Variants in PHYH observed in about 807,000 individuals in gnomAD.
PHYH encodes the protein phytanoyl-CoA 2-hydroxylase.
In PHYH, 32 loss-of-function variants were observed where a neutral mutation model predicts 38.5. That is an observed-to-expected ratio of 0.83 (90% CI 0.63 to 1.12). PHYH has a LOEUF of 1.12. Ranked by LOEUF, PHYH falls within the 50% of genes most tolerant of loss-of-function variation. PHYH has a pLI of 0.00. For missense variants in PHYH, 426 were observed against 434.8 expected, an observed-to-expected ratio of 0.98 and a Z score of 0.18; for synonymous variants, 166 against 157.9, an observed-to-expected ratio of 1.05 and a Z score of -0.38.
rs973937078 is a variant in PHYH, at chr10:13,280,995, T to G, written c.944A>C (p.Glu315Ala). The change falls in exon 8 of 9, where the codon GAA becomes GCA. Residue 315 changes from glutamate (E) to alanine (A), a missense_variant. Glu to Ala is a moderately radical substitution (Grantham distance 107, BLOSUM62 -1). Transcript: ENST00000263038. The part of the protein sequence containing the change: ...VGIAHKFFGA[E>A]NSVNLKDIWM... ...ACATACCTTCAAGTTCACGCTATTT[T>G]CAGCTCCAAAGAATTTATGTGCTAT... The G allele has an allele frequency of 1.2e-6, 2 of 1,614,148 alleles. No homozygotes were observed. The highest frequency in any genetic ancestry group is 1.7e-6 in the Non-Finnish European group (2 of 1,179,974).
rs1360667497 is a variant in PHYH at position 13,295,482 on chromosome 10, T to G, written c.245+14A>C. The G allele has an allele frequency of 8.3e-7, 1 of 1,207,136 alleles. No homozygotes were observed. The highest frequency in any genetic ancestry group is 1.2e-5 in the South Asian group (1 of 82,858). The allele number at this position is 1,207,136 out of a possible 1,614,324, so 74.8% of individuals were successfully genotyped here. A position where few individuals can be genotyped will look rare whatever the true frequency, so the allele number is the denominator to read the frequency against. On this transcript the variant is annotated intron_variant, in intron 3 of 8. Transcript: ENST00000263038. Reference sequence around the variant, plus strand: ...ATACATACTATTGTAAAATAACAAATAGTGTTACTGTACCGAAAGCGTTGA... The same window carrying G: ...ATACATACTATTGTAAAATAACAAAGAGTGTTACTGTACCGAAAGCGTTGA...
intron 2 of PHYH, among the ~76,000 whole-genome samples, chr10:13,297,275 C>T (rs774018216): frequency 2.0e-5 from 3 of 152,004 alleles, no homozygotes; most frequent in African/African-American, 7.2e-5. Context: ...GTAACAAAAT[C>T]CAAATAAATG....
At chr10:13,296,298 C>T (rs535929088) in intron 2 of PHYH, among the ~76,000 whole-genome samples, 1 of 109,244 alleles carries the variant, frequency 9.2e-6, no homozygotes, top group African/African-American at 3.0e-5. Flanking sequence ...ATTAGTGGGC[C>T]GGGCACAGTG....
At chr10:13,288,252 G>T in intron 6 of PHYH, 108 bp downstream of exon 6, 2 of 979,544 alleles carry the variant, frequency 2.0e-6, no homozygotes, top group Non-Finnish European at 1.6e-6. Context: ...ACAATGTTTT[G>T]CTCAGAAAGG....
chr10:13,296,713 G>GCA (rs1445522155), intron 2 of PHYH, among the ~76,000 whole-genome samples: 3 of 151,240 alleles, frequency 2.0e-5, no homozygotes, highest in Non-Finnish European at 4.4e-5. Context: ...TGTAATCCTA[G>GCA]CTTTGGGAGG....
chr10:13,299,997 G>A lies in PHYH; in HGVS notation c.46C>T (p.His16Tyr). 1 of 1,532,238 alleles carries A rather than the reference G, an allele frequency of 6.5e-7. No homozygotes were observed. Among genetic ancestry groups the A allele is most frequent in the Non-Finnish European group, 8.7e-7 (1 of 1,144,470 alleles). The allele number at this position is 1,532,238 out of a possible 1,614,324, so 94.9% of individuals were successfully genotyped here. ...AAARLQIVLG[H>Y]LGRPSAGAVV... ...GCCCCGGCCGAGGGGCGGCCGAGGT[G>A]GCCCAGAACAATCTGCAGACGGGCG... Residue 16 changes from histidine (H) to tyrosine (Y), a missense_variant, in exon 1 of 9, where the codon CAC (histidine) becomes TAC (tyrosine). By Grantham distance (83) the His-to-Tyr change is moderately conservative (BLOSUM62 2). Coordinates refer to ENST00000263038, the MANE Select transcript of PHYH (RefSeq NM_006214.4).
At chr10:13,289,202 T>C (rs966392127) in intron 5 of PHYH, among the ~76,000 whole-genome samples, 23 of 152,110 alleles carry the variant, frequency 1.5e-4, no homozygotes, top group African/African-American at 5.3e-4. Flanking sequence ...TTCTTTGTTG[T>C]TATTGTTTTT....
chr10:13,295,872 T>C (rs1343361510), intron 2 of PHYH, among the ~76,000 whole-genome samples: 1 of 150,574 alleles, frequency 6.6e-6, no homozygotes. Context: ...TAAAAATATG[T>C]ATCAAGAACC....
At chr10:13,296,095 G>A (rs1835842226) in intron 2 of PHYH, among the ~76,000 whole-genome samples, 1 of 151,620 alleles carries the variant, frequency 6.6e-6, no homozygotes, top group South Asian at 2.1e-4. Context: ...TTGAACTTGG[G>A]AGGCGGAGGT....
At position 13,294,552 on chromosome 10, in the gene PHYH, C is replaced by T. The variant is rs375508574; in HGVS notation, c.290G>A (p.Gly97Glu). The T allele has an allele frequency of 1.0e-4, 165 of 1,613,966 alleles. No individual in the cohort carries two copies. The highest frequency in any genetic ancestry group is 6.6e-4 in the Middle Eastern group (4 of 6,060). Residue 97 changes from glycine to glutamate, a missense_variant, in exon 4 of 9, where the codon GGA becomes GAA. Transcript: ENST00000263038. ...KICRKEVKPL[G>E]LTVMRDVTIS... is the part of the protein sequence containing the mutation. ...GGTCACATCTCTCATTACTGTTAAT[C>T]CTAATGGTTTCACCTCCTTTCTGCA...
intron 6 of PHYH, among the ~76,000 whole-genome samples, chr10:13,286,583 C>A (rs1006740539): frequency 6.6e-6 from 1 of 151,862 alleles, no homozygotes; most frequent in East Asian, 1.9e-4. Context: ...TGCCTGTAGT[C>A]CCAGCTACTC....
Position 13,278,200 on chromosome 10 carries a change from A to G in PHYH, c.*101T>C, listed in dbSNP as rs1194560147. On this transcript the variant is annotated 3_prime_UTR_variant, in exon 9 of 9. Transcript: ENST00000263038. ...TGATACATGTTTTCTGCTTTTAACAAGTGATAGAAAAGGTTACATCATCTC... is the reference window on the plus strand; with the variant it reads ...TGATACATGTTTTCTGCTTTTAACAGGTGATAGAAAAGGTTACATCATCTC... 1.4e-5 allele frequency: 11 copies of G among 809,330 alleles called. No homozygotes were observed. In the East Asian group the frequency reaches 2.8e-4, roughly 20 times the overall value. 50.1% of individuals were successfully genotyped at this position (809,330 alleles called of 1,614,324 possible).
chr10:13,288,771 G>T (rs1835625590), intron 5 of PHYH, among the ~76,000 whole-genome samples: 1 of 151,890 alleles, frequency 6.6e-6, no homozygotes, highest in Non-Finnish European at 1.5e-5. Context: ...CTAGCCGGGT[G>T]TGGTGGCATG....
chr10:13,298,036 A>G (rs1409625614), intron 2 of PHYH, 151 bp downstream of exon 2: 2 of 569,734 alleles, frequency 3.5e-6, no homozygotes, highest in African/African-American at 1.9e-5. Flanking sequence ...AAAATTTTCC[A>G]CAAGTGCACT....
chr10:13,298,718 C>CTACTACTACTACTACT (rs1554785619), intron 1 of PHYH, among the ~76,000 whole-genome samples: 6 of 93,428 alleles, frequency 6.4e-5, no homozygotes, highest in Admixed American at 1.4e-4. Context: ...AAACTACCAC[C>CTACTACTACTACTACT]ACTACTACTA....
At chr10:13,292,833 T>G (rs1036945426) in intron 4 of PHYH, among the ~76,000 whole-genome samples, 1 of 150,692 alleles carries the variant, frequency 6.6e-6, no homozygotes, top group Admixed American at 6.7e-5. Context: ...CTTGGGAAGC[T>G]GAGGCAGGAG....
rs557758439 is a variant in PHYH, at chr10:13,283,957, G to T, written c.679-118C>A. The T allele has an allele frequency of 3.5e-5, 32 of 902,278 alleles. No individual in the cohort carries two copies. The Admixed American group carries it at 5.0e-4, about 14-fold the overall frequency. 55.9% of individuals were successfully genotyped at this position (902,278 alleles called of 1,614,324 possible). On this transcript the variant is annotated intron_variant, in intron 6 of 8. Coordinates refer to ENST00000263038, the MANE Select transcript of PHYH (RefSeq NM_006214.4). ...AAGAAAGCATTTCTCTCTCCCAAGA[G>T]AAATAAATGTCTAAATTAAATGCTT...
intron 1 of PHYH, chr10:13,299,740 ATTGCC>A: frequency 7.6e-7 from 1 of 1,307,740 alleles, no homozygotes; most frequent in Non-Finnish European, 9.7e-7. Flanking sequence ...CAACGCGGCA[ATTGCC>A]CCGACCCCAG....
intron 2 of PHYH, 151 bp from the exon 3 acceptor site, chr10:13,295,757 GA>G (rs1420679672): frequency 1.1e-5 from 7 of 612,226 alleles, no homozygotes; most frequent in Non-Finnish European, 2.0e-5. Flanking sequence ...GCAACATGAT[GA>G]AACCCTGTCT....
Sources: gnomAD v4.1 joint callset for allele counts (sites outside exome capture counted in the v4.1 genomes callset) on GRCh38, gnomAD v4.1.1 for gene constraint, MANE v1.5 for transcripts, NCBI Gene and HGNC (gene_info 2026-07-23, HGNC 2026-07-21) for gene names.